FOSL2: variants seen among roughly 807,000 people sequenced by gnomAD.
The protein encoded by FOSL2 is FOS like 2, AP-1 transcription factor subunit, also known as fos-related antigen 2.
In FOSL2, 3 loss-of-function variants were observed where a neutral mutation model predicts 27.7. The ratio of observed to expected loss-of-function variants is 0.11; its 90% CI spans 0.05 to 0.28. The LOEUF is 0.28. Among genes scored for constraint, FOSL2 ranks in the 10% least tolerant of loss-of-function variants. The pLI, the probability that FOSL2 is intolerant of heterozygous loss-of-function variation, is 1.00. For synonymous variants in FOSL2, 179 were observed against 190.1 expected (o/e 0.94, Z 0.48); for missense variants, 333 against 445.1 (o/e 0.75, Z 2.27).
chr2:28,407,910 T>C (rs1664116379), intron 2 of FOSL2, among the ~76,000 whole-genome samples: 1 of 152,226 alleles, frequency 6.6e-6, no homozygotes, highest in African/African-American at 2.4e-5. Flanking sequence ...ACTGTCTCAC[T>C]GGAAGAAGCT....
chr2:28,401,146 C>T (rs891710829), intron 1 of FOSL2, among the ~76,000 whole-genome samples: 1 of 151,500 alleles, frequency 6.6e-6, no homozygotes, highest in Non-Finnish European at 1.5e-5. Flanking sequence ...ACAGGCACAT[C>T]TAATGATGAT....
intron 1 of FOSL2, among the ~76,000 whole-genome samples, chr2:28,400,469 G>A (rs1186178958): frequency 6.6e-6 from 1 of 151,916 alleles, no homozygotes; most frequent in Non-Finnish European, 1.5e-5. Context: ...CATGCTGGGA[G>A]TTGAGACAAG....
At chr2:28,406,332 G>A (rs905288553) in intron 2 of FOSL2, among the ~76,000 whole-genome samples, 10 of 152,108 alleles carry the variant, frequency 6.6e-5, no homozygotes, top group Non-Finnish European at 1.3e-4. Context: ...AAAGTGTTGG[G>A]ATTACAGGCG....
intron 3 of FOSL2, chr2:28,410,652 C>T: frequency 2.1e-6 from 1 of 474,590 alleles, no homozygotes. Context: ...ACCTCTTCCC[C>T]TCCCACAGCG....
At chr2:28,400,253 G>GC (rs1178553312) in intron 1 of FOSL2, among the ~76,000 whole-genome samples, 1 of 152,184 alleles carries the variant, frequency 6.6e-6, no homozygotes, top group Non-Finnish European at 1.5e-5. Context: ...CCCCAGCTGA[G>GC]CAGCTCTATC....
Position 28,393,579 on chromosome 2 carries a change from G to C in FOSL2, c.-142G>C. 2 of 610,668 alleles carry C rather than the reference G, an allele frequency of 3.3e-6. No homozygotes were observed. Among genetic ancestry groups the C allele is most frequent in the South Asian group, 4.1e-5 (2 of 48,286 alleles). 37.8% of individuals were successfully genotyped at this position (610,668 alleles called of 1,614,324 possible). On this transcript the variant is annotated 5_prime_UTR_variant, in exon 1 of 4. Transcript: ENST00000264716. The surrounding 1 kb of genome is among the most constrained non-coding windows in gnomAD (Gnocchi z 4.6). ...CCGCCTCCCTGTCCTCGCCCTCCGC[G>C]GTGGGGGAGAAACCCAGGAGCGAAG...
In FOSL2 at chr2:28,410,568, C is replaced by T. The variant is rs1003577645; in HGVS notation, c.463-1362C>T. The T allele has an allele frequency of 2.4e-5, 24 of 984,202 alleles. No homozygotes were observed. In the African/African-American group the frequency reaches 3.7e-4, roughly 15 times the overall value. The allele number at this position is 984,202 out of a possible 1,614,324, so 61.0% of individuals were successfully genotyped here. A position where few individuals can be genotyped will look rare whatever the true frequency, so the allele number is the denominator to read the frequency against. On this transcript the variant is annotated intron_variant, in intron 3 of 3. Transcript: ENST00000264716. ...TATGCTGTCCTCTGCTGAACGAAGC[C>T]CTTGCCCGTATGTCCTCACTGATGA...
At chr2:28,409,446 G>A (rs1209904109) in intron 3 of FOSL2, among the ~76,000 whole-genome samples, 1 of 152,192 alleles carries the variant, frequency 6.6e-6, no homozygotes, top group East Asian at 1.9e-4. Context: ...TGTGGCCATG[G>A]TACCGCGTGC....
At position 28,412,594 on chromosome 2, in the gene FOSL2, G is replaced by T; in HGVS notation, c.*146G>T. On this transcript the variant is annotated 3_prime_UTR_variant, in exon 4 of 4. Transcript: ENST00000264716. The surrounding 1 kb of genome is among the most constrained non-coding windows in gnomAD (Gnocchi z 7.1). ...TTCCTGGCTCTGGGGGACCCAGGTG[G>T]GACTTAGCAGTGAGTATTGGAAGAC... 1 of 842,872 alleles carries T rather than the reference G, an allele frequency of 1.2e-6. No homozygotes were observed. Among genetic ancestry groups the T allele is most frequent in the South Asian group, 1.8e-5 (1 of 56,328 alleles). 52.2% of individuals were successfully genotyped at this position (842,872 alleles called of 1,614,324 possible).
At chr2:28,411,815 A>T in intron 3 of FOSL2, 115 bp from the exon 4 acceptor site, 8 of 1,061,252 alleles carry the variant, frequency 7.5e-6, no homozygotes, top group Non-Finnish European at 1.2e-5. Flanking sequence ...GTCTGTGGTT[A>T]GGTGTGTGAG....
At chr2:28,407,692 A>G (rs1244289442) in intron 2 of FOSL2, among the ~76,000 whole-genome samples, 1 of 152,202 alleles carries the variant, frequency 6.6e-6, no homozygotes, top group Non-Finnish European at 1.5e-5. Context: ...CCGGGCAGTT[A>G]GTAGGTGTGC....
At position 28,408,891 on chromosome 2, in the gene FOSL2, A is replaced by T. The variant is rs1249469232; in HGVS notation, c.462+25A>T. ...GGTGAGGAACTCTGCGTAGGGTGGG[A>T]GCACCTCTGGGTGGGCTGGAGTGAG... On this transcript the variant is annotated intron_variant, in intron 3 of 3. Coordinates refer to ENST00000264716, the MANE Select transcript of FOSL2 (RefSeq NM_005253.4). The surrounding 1 kb of genome is among the most constrained non-coding windows in gnomAD (Gnocchi z 4.1). 1.9e-6 allele frequency: 3 copies of T among 1,553,634 alleles called. No individual in the cohort carries two copies. The highest frequency in any genetic ancestry group is 2.6e-6 in the Non-Finnish European group (3 of 1,141,296).
chr2:28,406,064 T>C (rs1017754270), intron 2 of FOSL2, among the ~76,000 whole-genome samples: 45 of 123,720 alleles, frequency 3.6e-4, no homozygotes, highest in African/African-American at 1.3e-3. Flanking sequence ...TTTTTTTTTT[T>C]TTTCTTTTTG....
chr2:28,406,542 C>T (rs1664087584), intron 2 of FOSL2, among the ~76,000 whole-genome samples: 2 of 152,340 alleles, frequency 1.3e-5, no homozygotes, highest in South Asian at 4.1e-4. Context: ...GCAGAGCCAG[C>T]ACTGGAACCC....
In FOSL2 at chr2:28,392,949, A is replaced by C. The variant is rs888896255; in HGVS notation, c.-772A>C. ...GCTCGGCGGGGACAGAAAGAGGGAG[A>C]GAGAGAGAGAGAGAGAGGGAGAGGC... On this transcript the variant is annotated 5_prime_UTR_variant, in exon 1 of 4. Coordinates refer to ENST00000264716, the MANE Select transcript of FOSL2 (RefSeq NM_005253.4). 1 of 583,790 alleles carries C rather than the reference A, an allele frequency of 1.7e-6. No individual in the cohort carries two copies. Among genetic ancestry groups the C allele is most frequent in the African/African-American group, 2.1e-5 (1 of 48,442 alleles). 36.2% of individuals were successfully genotyped at this position (583,790 alleles called of 1,614,324 possible). A position where few individuals can be genotyped will look rare whatever the true frequency, so the allele number is the denominator to read the frequency against.
chr2:28,394,011 C>T (rs551267326), intron 1 of FOSL2, among the ~76,000 whole-genome samples, 189 bp downstream of exon 1: 1 of 138,832 alleles, frequency 7.2e-6, no homozygotes, highest in African/African-American at 2.6e-5. Flanking sequence ...GGAGAGTGGG[C>T]TTGAAGAGAC....
chr2:28,393,076 C>A lies in FOSL2; in HGVS notation c.-645C>A. 1 of 477,252 alleles carries A rather than the reference C, an allele frequency of 2.1e-6. No individual in the cohort carries two copies. The highest frequency in any genetic ancestry group is 2.7e-5 in the South Asian group (1 of 37,694). 29.6% of individuals were successfully genotyped at this position (477,252 alleles called of 1,614,324 possible). ...GGGGCCGCGTCCCTCTCAGCGCCAGCTCTACTTGAGCCCCACGAGCCGCTG... is the reference window on the plus strand; with the variant it reads ...GGGGCCGCGTCCCTCTCAGCGCCAGATCTACTTGAGCCCCACGAGCCGCTG... On this transcript the variant is annotated 5_prime_UTR_variant, in exon 1 of 4. Transcript: ENST00000264716. This position sits in a 1 kb window ranked among gnomAD's most constrained non-coding sequence, Gnocchi z 4.6.
chr2:28,403,798 T>C (rs976575529), intron 1 of FOSL2, among the ~76,000 whole-genome samples: 3 of 152,188 alleles, frequency 2.0e-5, no homozygotes, highest in African/African-American at 7.2e-5. Flanking sequence ...GTGTGAGTGC[T>C]GGGGACCACG....
Position 28,393,009 on chromosome 2 carries a change from C to A in FOSL2, c.-712C>A. 1 of 623,476 alleles carries A rather than the reference C, an allele frequency of 1.6e-6. No homozygotes were observed. Among genetic ancestry groups the A allele is most frequent in the South Asian group, 1.7e-5 (1 of 58,268 alleles). 38.6% of individuals were successfully genotyped at this position (623,476 alleles called of 1,614,324 possible). A position where few individuals can be genotyped will look rare whatever the true frequency, so the allele number is the denominator to read the frequency against. ...CGAGGCGGGCCCGTCCGGGAGCGGG[C>A]TCCGGGGAAGGGGTGCGGGTCTGGG... On this transcript the variant is annotated 5_prime_UTR_variant, in exon 1 of 4. Coordinates refer to ENST00000264716, the MANE Select transcript of FOSL2 (RefSeq NM_005253.4). The surrounding 1 kb of genome is among the most constrained non-coding windows in gnomAD (Gnocchi z 4.6).
Sources: gnomAD v4.1 joint callset for allele counts (sites outside exome capture counted in the v4.1 genomes callset) on GRCh38, gnomAD v4.1.1 for gene constraint, Gnocchi (gnomAD v3.1) non-coding constraint, MANE v1.5 for transcripts, NCBI Gene and HGNC (gene_info 2026-07-23, HGNC 2026-07-21) for gene names.